SPATS2L: variants seen among roughly 807,000 people sequenced by gnomAD.
SPATS2L encodes the protein SPATS2-like protein.
SPATS2L carries 30 observed loss-of-function variants against 59.6 expected under a neutral mutation model. The observed-to-expected ratio is 0.50, with a 90% CI of 0.38 to 0.68. SPATS2L has a LOEUF of 0.68. SPATS2L is among the 30% of genes least tolerant of loss of function. SPATS2L has a pLI of 0.00. For synonymous variants in SPATS2L, 252 were observed against 263.5 expected (o/e 0.96, Z 0.42); for missense variants, 615 against 700.0 (o/e 0.88, Z 1.37).
At chr2:200,381,641 ATG>A (rs548674454) in intron 2 of SPATS2L, among the ~76,000 whole-genome samples, 110 of 152,328 alleles carry the variant, frequency 7.2e-4, no homozygotes, top group Non-Finnish European at 1.3e-3. Flanking sequence ...AGAAATGCAT[ATG>A]TCTCTTGAGA....
chr2:200,367,473 T>C (rs1209729589), intron 2 of SPATS2L, among the ~76,000 whole-genome samples: 1 of 152,194 alleles, frequency 6.6e-6, no homozygotes, highest in Admixed American at 6.5e-5. Context: ...TCGTAGTCAG[T>C]GAAAATGATC....
chr2:200,446,481 A>G (rs1385975500), intron 8 of SPATS2L, among the ~76,000 whole-genome samples: 2 of 152,158 alleles, frequency 1.3e-5, no homozygotes, highest in Admixed American at 6.5e-5. Flanking sequence ...TGATTTGGAA[A>G]TATTTTTGGT....
At position 200,448,121 on chromosome 2, in the gene SPATS2L, G is replaced by A. The variant is rs927292849; in HGVS notation, c.788+7337G>A. Among the ~76,000 whole-genome samples the A allele has an allele frequency of 3.3e-5, 5 of 152,210 alleles. 1 individual carries two copies. The highest frequency in any genetic ancestry group is 1.2e-4 in the African/African-American group (5 of 41,532). On this transcript the variant is annotated intron_variant, in intron 8 of 12. Coordinates refer to ENST00000409140, the MANE Select transcript of SPATS2L (RefSeq NM_001100423.2). ...TGATCATGCCATTATACTCCAGGCT[G>A]GGCAACAGAGAAAGACCCTGTCTCA... is the stretch of plus-strand genomic sequence containing the variant.
At chr2:200,432,297 G>T (rs959518692) in intron 6 of SPATS2L, among the ~76,000 whole-genome samples, 4 of 152,174 alleles carry the variant, frequency 2.6e-5, no homozygotes, top group Non-Finnish European at 5.9e-5. Context: ...AACTGGGGGA[G>T]CCCTGGGTTC....
At position 200,308,624 on chromosome 2, in the gene SPATS2L, T is replaced by TAC. The variant is rs35193445; in HGVS notation, c.-73+1720_-73+1721dup. On this transcript the variant is annotated intron_variant, in intron 1 of 12. Transcript: ENST00000409140. ...AATTCTGTATCTGTGTGGCTTTAAA[T>TAC]ACACACACACACACACACAGACACA... Among the ~76,000 whole-genome samples the TAC allele has an allele frequency of 6.7e-3, 999 of 149,486 alleles. 5 individuals are homozygous for TAC. The highest frequency in any genetic ancestry group is 0.018 in the East Asian group (91 of 5,124).
intron 8 of SPATS2L, among the ~76,000 whole-genome samples, chr2:200,449,370 G>T (rs982453140): frequency 1.3e-5 from 2 of 152,220 alleles, no homozygotes; most frequent in African/African-American, 2.4e-5. Flanking sequence ...TACACGTGTG[G>T]ATTACCTCCA....
chr2:200,350,914 T>G (rs146860694), intron 2 of SPATS2L, among the ~76,000 whole-genome samples: 2 of 152,228 alleles, frequency 1.3e-5, no homozygotes, highest in East Asian at 3.9e-4. Flanking sequence ...TTTTTTTGTT[T>G]CCTTTGGAAT....
intron 12 of SPATS2L, among the ~76,000 whole-genome samples, chr2:200,475,128 T>C (rs2087413974): frequency 6.6e-6 from 1 of 152,184 alleles, no homozygotes. Flanking sequence ...TGCTTAGGTG[T>C]GCAGGCTGGA....
chr2:200,480,047 ATG>A lies in SPATS2L; in HGVS notation c.*2018_*2019del, dbSNP rs2087741185. On this transcript the variant is annotated 3_prime_UTR_variant, in exon 13 of 13. Coordinates refer to ENST00000409140, the MANE Select transcript of SPATS2L (RefSeq NM_001100423.2). ...ACGGAAGGATTTTGCACAGTTTTTTATGTAGCAAGATTTTGCTCACCACTGAA... is the reference window on the plus strand; with the variant it reads ...ACGGAAGGATTTTGCACAGTTTTTTATAGCAAGATTTTGCTCACCACTGAA... 1 of 265,272 alleles carries A rather than the reference ATG, an allele frequency of 3.8e-6. No individual in the cohort carries two copies. The highest frequency in any genetic ancestry group is 7.0e-6 in the Non-Finnish European group (1 of 141,952). 16.4% of individuals were successfully genotyped at this position (265,272 alleles called of 1,614,324 possible).
chr2:200,429,904 G>A (rs559916592), intron 6 of SPATS2L, among the ~76,000 whole-genome samples: 1 of 152,146 alleles, frequency 6.6e-6, no homozygotes, highest in Admixed American at 6.5e-5. Context: ...GTCACTGCTT[G>A]GAGTACAATT....
chr2:200,337,331 T>G lies in SPATS2L; in HGVS notation c.-23+7851T>G, dbSNP rs530793495. ...CTAAGCTTTGGTATTTGGAAGTTAGTTATGTGCGAAATTAAAGGGGTAAAA... is the reference window on the plus strand; with the variant it reads ...CTAAGCTTTGGTATTTGGAAGTTAGGTATGTGCGAAATTAAAGGGGTAAAA... On this transcript the variant is annotated intron_variant, in intron 2 of 12. Transcript: ENST00000409140. 5.3e-5 allele frequency among the ~76,000 whole-genome samples: 8 copies of G among 152,268 alleles called. No individual in the cohort carries two copies. The South Asian group carries it at 1.4e-3, about 28-fold the overall frequency.
intron 2 of SPATS2L, among the ~76,000 whole-genome samples, chr2:200,357,200 G>A (rs1437251271): frequency 6.6e-6 from 1 of 152,048 alleles, no homozygotes; most frequent in African/African-American, 2.4e-5. Flanking sequence ...CTCTGTTTGG[G>A]GCCAGATTTT....
chr2:200,354,026 T>C (rs2080826733), intron 2 of SPATS2L, among the ~76,000 whole-genome samples: 1 of 152,196 alleles, frequency 6.6e-6, no homozygotes, highest in Admixed American at 6.5e-5. Flanking sequence ...TTGAGAGGAA[T>C]CACTTCAGGA....
intron 3 of SPATS2L, among the ~76,000 whole-genome samples, chr2:200,407,554 A>G (rs889926659): frequency 1.3e-5 from 2 of 152,190 alleles, no homozygotes; most frequent in African/African-American, 4.8e-5. Flanking sequence ...TGGGGGCTCA[A>G]CCAATGTCTG....
intron 1 of SPATS2L, among the ~76,000 whole-genome samples, chr2:200,325,378 TTTTA>T (rs1295843042): frequency 1.3e-5 from 2 of 152,052 alleles, no homozygotes; most frequent in Non-Finnish European, 2.9e-5. Flanking sequence ...GTAGGAATCT[TTTTA>T]TTTATTTATT....
intron 2 of SPATS2L, among the ~76,000 whole-genome samples, chr2:200,380,942 G>A (rs2081788466): frequency 1.3e-5 from 2 of 152,086 alleles, no homozygotes; most frequent in Middle Eastern, 3.2e-3. Flanking sequence ...TAAGGAACAA[G>A]AACTTTTATT....
chr2:200,377,345 G>A (rs1233566025), intron 2 of SPATS2L, among the ~76,000 whole-genome samples: 1 of 152,196 alleles, frequency 6.6e-6, no homozygotes, highest in African/African-American at 2.4e-5. Flanking sequence ...TGTTTACTCT[G>A]CGAGATTACT....
intron 8 of SPATS2L, among the ~76,000 whole-genome samples, chr2:200,441,736 T>C (rs2084713368): frequency 6.6e-6 from 1 of 152,110 alleles, no homozygotes; most frequent in Admixed American, 6.5e-5. Context: ...AGAGAGGGCT[T>C]CATCTGAAAT....
At position 200,313,321 on chromosome 2, in the gene SPATS2L, C is replaced by G. The variant is rs777393763; in HGVS notation, c.-73+6399C>G. 3.1e-4 allele frequency among the ~76,000 whole-genome samples: 47 copies of G among 152,300 alleles called. 1 individual carries two copies. The South Asian group carries it at 4.1e-3, about 13-fold the overall frequency. ...GGAGCTCTAGTGACTTCTTCCCATGCTCAGCATTTATTTTATTTTATACAT... is the reference window on the plus strand; with the variant it reads ...GGAGCTCTAGTGACTTCTTCCCATGGTCAGCATTTATTTTATTTTATACAT... On this transcript the variant is annotated intron_variant, in intron 1 of 12. Coordinates refer to ENST00000409140, the MANE Select transcript of SPATS2L (RefSeq NM_001100423.2).
Sources: allele counts gnomAD v4.1 joint callset (sites outside exome capture counted in the v4.1 genomes callset), GRCh38; gene constraint gnomAD v4.1.1; transcripts MANE v1.5; gene names NCBI Gene and HGNC (gene_info 2026-07-23, HGNC 2026-07-21).